Variants in DAW1 observed in about 807,000 individuals in gnomAD.
DAW1 encodes dynein assembly factor with WD repeats 1, also known as dynein assembly factor with WD repeat domains 1.
In DAW1, 47 loss-of-function variants were observed where a neutral mutation model predicts 56.5. The observed-to-expected ratio is 0.83, with a 90% CI of 0.66 to 1.06. DAW1 has a LOEUF of 1.06. Among genes scored for constraint, DAW1 ranks in the 50% least tolerant of loss-of-function variants. The pLI is 0.00. For synonymous variants in DAW1, 190 were observed against 179.0 expected (o/e 1.06, Z -0.49); for missense variants, 505 against 499.3 (o/e 1.01, Z -0.11).
At chr2:227,910,865 A>T (rs879834099) in intron 10 of DAW1, among the ~76,000 whole-genome samples, 1 of 152,128 alleles carries the variant, frequency 6.6e-6, no homozygotes, top group Non-Finnish European at 1.5e-5. Flanking sequence ...ACATTACAAC[A>T]TATCTGTGTC....
At chr2:227,875,415 A>T (rs945897654) in intron 1 of DAW1, among the ~76,000 whole-genome samples, 25 of 152,208 alleles carry the variant, frequency 1.6e-4, no homozygotes, top group African/African-American at 5.5e-4. Context: ...AAGGACCATG[A>T]TCCCCAAGGC....
At chr2:227,876,519 T>C in intron 1 of DAW1, 1 of 1,298,764 alleles carries the variant, frequency 7.7e-7, no homozygotes, top group Non-Finnish European at 1.0e-6. Context: ...AATAGCATTA[T>C]CAGATAGGAA....
At chr2:227,900,251 G>A (rs1207656684) in intron 6 of DAW1, among the ~76,000 whole-genome samples, 1 of 152,162 alleles carries the variant, frequency 6.6e-6, no homozygotes, top group Non-Finnish European at 1.5e-5. Context: ...AAAACATAAT[G>A]TGTGTCCTTA....
At chr2:227,876,161 G>A (rs886234381) in intron 1 of DAW1, among the ~76,000 whole-genome samples, 3 of 152,006 alleles carry the variant, frequency 2.0e-5, no homozygotes, top group African/African-American at 4.8e-5. Flanking sequence ...GACTACAGGC[G>A]CCCGCCAGTA....
intron 7 of DAW1, among the ~76,000 whole-genome samples, chr2:227,903,554 G>A (rs374215913): frequency 6.6e-6 from 1 of 152,284 alleles, no homozygotes; most frequent in East Asian, 1.9e-4. Context: ...AAAGGCCAAA[G>A]GGCTCTGCCC....
intron 11 of DAW1, among the ~76,000 whole-genome samples, chr2:227,919,587 T>A (rs1692057381): frequency 6.6e-6 from 1 of 152,218 alleles, no homozygotes; most frequent in South Asian, 2.1e-4. Flanking sequence ...CCTGGAAATA[T>A]GTAAAATTAT....
chr2:227,920,423 G>A (rs1224547447), intron 11 of DAW1, among the ~76,000 whole-genome samples: 1 of 152,094 alleles, frequency 6.6e-6, no homozygotes, highest in East Asian at 1.9e-4. Flanking sequence ...CTGTCTTCTG[G>A]TGATTAGAGG....
intron 12 of DAW1, among the ~76,000 whole-genome samples, chr2:227,922,600 G>A (rs1692137883): frequency 6.6e-6 from 1 of 152,166 alleles, no homozygotes. Context: ...AAATGCCACA[G>A]GCCCAAGGCT....
intron 6 of DAW1, among the ~76,000 whole-genome samples, chr2:227,900,176 TTCCC>T (rs1691505887): frequency 6.6e-6 from 1 of 152,194 alleles, no homozygotes; most frequent in Non-Finnish European, 1.5e-5. Flanking sequence ...GGAAGGTATT[TTCCC>T]ATTTTACAGA....
intron 12 of DAW1, among the ~76,000 whole-genome samples, chr2:227,923,389 T>A (rs1007360256): frequency 6.6e-6 from 1 of 152,220 alleles, no homozygotes; most frequent in Non-Finnish European, 1.5e-5. Context: ...TTGTGGGATA[T>A]GGTTTTTATA....
At chr2:227,917,265 T>TC (rs1235331191) in intron 10 of DAW1, among the ~76,000 whole-genome samples, 1 of 119,094 alleles carries the variant, frequency 8.4e-6, no homozygotes, top group African/African-American at 2.9e-5. Context: ...TTTTTTTGTT[T>TC]CTTTTTTTTT....
intron 10 of DAW1, among the ~76,000 whole-genome samples, chr2:227,918,375 G>C (rs1692024266): frequency 6.6e-6 from 1 of 152,074 alleles, no homozygotes; most frequent in South Asian, 2.1e-4. Context: ...CTCCTTCTTG[G>C]GATGTTCCTT....
intron 10 of DAW1, among the ~76,000 whole-genome samples, chr2:227,917,314 G>T (rs1433908827): frequency 6.6e-6 from 1 of 150,778 alleles, no homozygotes; most frequent in African/African-American, 2.4e-5. Flanking sequence ...AGGTGGGACT[G>T]CAGTGGCACT....
At chr2:227,888,108 A>G (rs1394740641) in intron 2 of DAW1, among the ~76,000 whole-genome samples, 1 of 152,176 alleles carries the variant, frequency 6.6e-6, no homozygotes, top group Non-Finnish European at 1.5e-5. Context: ...ATTTTTGTTC[A>G]AAATATTCAC....
At chr2:227,911,407 T>C (rs113996557) in intron 10 of DAW1, among the ~76,000 whole-genome samples, 2,142 of 149,930 alleles carry the variant, frequency 0.014, 24 homozygotes, top group Middle Eastern at 0.025. Context: ...TTCTGAGATA[T>C]TGTGAATTAG....
intron 3 of DAW1, 102 bp from the exon 4 acceptor site, chr2:227,891,153 T>G: frequency 1.0e-6 from 1 of 1,001,088 alleles, no homozygotes; most frequent in Non-Finnish European, 1.5e-6. Flanking sequence ...CTGTTTCTGA[T>G]GTATAATTAA....
intron 10 of DAW1, among the ~76,000 whole-genome samples, chr2:227,911,795 A>G (rs1249740348): frequency 6.6e-6 from 1 of 152,112 alleles, no homozygotes; most frequent in African/African-American, 2.4e-5. Flanking sequence ...ACCACATATG[A>G]TGCTGTATAA....
chr2:227,879,549 C>T (rs1033493987), intron 1 of DAW1, among the ~76,000 whole-genome samples: 8 of 151,818 alleles, frequency 5.3e-5, no homozygotes, highest in South Asian at 2.1e-4. Flanking sequence ...TTATTTTAGA[C>T]GAATTTGTCA....
At chr2:227,922,028 C>T (rs996097185) in intron 12 of DAW1, among the ~76,000 whole-genome samples, 1 of 152,198 alleles carries the variant, frequency 6.6e-6, no homozygotes, top group Non-Finnish European at 1.5e-5. Context: ...TGGCGTACAC[C>T]TGTAGTCCCA....
Sources: allele counts gnomAD v4.1 joint callset (sites outside exome capture counted in the v4.1 genomes callset), GRCh38; gene constraint gnomAD v4.1.1; transcripts MANE v1.5; gene names NCBI Gene and HGNC (gene_info 2026-07-23, HGNC 2026-07-21).